FGF12: variants seen among roughly 807,000 people sequenced by gnomAD.
FGF12 encodes the protein fibroblast growth factor 12B.
FGF12 carries 14 observed loss-of-function variants against 23.6 expected under a neutral mutation model. The ratio of observed to expected loss-of-function variants is 0.59; its 90% CI spans 0.39 to 0.93. FGF12 has a LOEUF of 0.93. Ranked by LOEUF, FGF12 falls within the 40% of genes least tolerant of loss-of-function variation. The pLI is 0.00. For synonymous variants in FGF12, 62 were observed against 77.3 expected, an observed-to-expected ratio of 0.80 and a Z score of 1.04; for missense variants, 175 against 217.8, an observed-to-expected ratio of 0.80 and a Z score of 1.24.
Position 192,408,239 on chromosome 3 carries a change from G to A in FGF12, c.14-47701C>T, listed in dbSNP as rs893302905. ...CCGCAGCCATAGCTGCTCAGCGAGGGCCTCAGGCCCCAGCCTCTACTGCGC... is the reference window on the plus strand; with the variant it reads ...CCGCAGCCATAGCTGCTCAGCGAGGACCTCAGGCCCCAGCCTCTACTGCGC... On this transcript the variant is annotated intron_variant, in intron 2 of 5. Coordinates refer to ENST00000445105, the MANE Select transcript of FGF12 (RefSeq NM_004113.6). The surrounding 1 kb of genome is among the most constrained non-coding windows in gnomAD (Gnocchi z 7.3). 4.4e-6 allele frequency: 7 copies of A among 1,583,948 alleles called. No homozygotes were observed. In the East Asian group the frequency reaches 9.0e-5, roughly 20 times the overall value.
chr3:192,558,619 A>G (rs1057118764), intron 2 of FGF12, among the ~76,000 whole-genome samples: 3 of 151,896 alleles, frequency 2.0e-5, no homozygotes, highest in Non-Finnish European at 2.9e-5. Flanking sequence ...AACAACAACA[A>G]CAACAACAAA....
At chr3:192,490,389 T>C (rs1439156422) in intron 2 of FGF12, among the ~76,000 whole-genome samples, 1 of 152,110 alleles carries the variant, frequency 6.6e-6, no homozygotes, top group African/African-American at 2.4e-5. Flanking sequence ...CCTAGTAATG[T>C]TTCAATAAGA....
At chr3:192,203,636 A>G (rs1460709130) in intron 4 of FGF12, among the ~76,000 whole-genome samples, 1 of 148,216 alleles carries the variant, frequency 6.7e-6, no homozygotes, top group African/African-American at 2.5e-5. Context: ...CGGCACAATC[A>G]TGGCTCACTG....
chr3:192,639,445 C>T (rs1274546100), intron 2 of FGF12, among the ~76,000 whole-genome samples: 1 of 152,228 alleles, frequency 6.6e-6, no homozygotes, highest in Non-Finnish European at 1.5e-5. Context: ...GCAATCCCTC[C>T]TCTGGGCATA....
chr3:192,215,217 T>C (rs6776353), intron 4 of FGF12, among the ~76,000 whole-genome samples: 60,345 of 152,038 alleles, frequency 0.4, 12,946 homozygotes, highest in East Asian at 0.93. Flanking sequence ...CTCGAAGGTG[T>C]TGATATCATT....
chr3:192,280,577 CTTATG>C (rs1714085700), intron 4 of FGF12, among the ~76,000 whole-genome samples: 1 of 152,060 alleles, frequency 6.6e-6, no homozygotes, highest in South Asian at 2.1e-4. Context: ...TTAGGCACTT[CTTATG>C]TGCAAAATAC....
intron 2 of FGF12, among the ~76,000 whole-genome samples, chr3:192,407,279 G>C (rs1720992933): frequency 6.6e-6 from 1 of 152,188 alleles, no homozygotes; most frequent in Non-Finnish European, 1.5e-5. Flanking sequence ...AGGCCAAACT[G>C]TGTATACTGT....
intron 2 of FGF12, among the ~76,000 whole-genome samples, chr3:192,723,584 T>C (rs913428131): frequency 6.6e-6 from 1 of 151,988 alleles, no homozygotes; most frequent in Non-Finnish European, 1.5e-5. Flanking sequence ...ATGCTGCTGG[T>C]CTGTGGACCA....
In FGF12 at chr3:192,408,937, C is replaced by T. The variant is rs1234611919; in HGVS notation, c.14-48399G>A. On this transcript the variant is annotated intron_variant, in intron 2 of 5. Transcript: ENST00000445105. The surrounding 1 kb of genome is among the most constrained non-coding windows in gnomAD (Gnocchi z 7.3). ...TTTCCAGGGGCCGGCCACCCGAGTTCTGGAATTCCGAGAGGCGCGAAGTGG... is the reference window on the plus strand; with the variant it reads ...TTTCCAGGGGCCGGCCACCCGAGTTTTGGAATTCCGAGAGGCGCGAAGTGG... 1.0e-6 allele frequency: 1 copy of T among 984,992 alleles called. No individual in the cohort carries two copies. 61.0% of individuals were successfully genotyped at this position (984,992 alleles called of 1,614,324 possible).
intron 5 of FGF12, among the ~76,000 whole-genome samples, chr3:192,148,812 G>A (rs1713873437): frequency 6.6e-6 from 1 of 152,146 alleles, no homozygotes; most frequent in Admixed American, 6.5e-5. Flanking sequence ...GGAGGTACAG[G>A]GCGAGGAAAA....
chr3:192,262,635 A>T (rs1159350980), intron 4 of FGF12, among the ~76,000 whole-genome samples: 1 of 152,080 alleles, frequency 6.6e-6, no homozygotes, highest in Non-Finnish European at 1.5e-5. Context: ...TAGCATAGGA[A>T]CCAGAGTCTA....
At chr3:192,723,876 AGAGGAGAG>A (rs1216933506) in intron 2 of FGF12, among the ~76,000 whole-genome samples, 2 of 128,788 alleles carry the variant, frequency 1.6e-5, no homozygotes, top group Non-Finnish European at 3.3e-5. Flanking sequence ...AGAGAGAGAG[AGAGGAGAG>A]GAGAGGAGAG....
At chr3:192,491,892 C>T (rs1171217631) in intron 2 of FGF12, among the ~76,000 whole-genome samples, 1 of 152,088 alleles carries the variant, frequency 6.6e-6, no homozygotes, top group Non-Finnish European at 1.5e-5. Context: ...GAAAAATTCT[C>T]GCTCAGATAG....
At chr3:192,191,132 T>C (rs1327511341) in intron 4 of FGF12, among the ~76,000 whole-genome samples, 1 of 152,136 alleles carries the variant, frequency 6.6e-6, no homozygotes, top group Non-Finnish European at 1.5e-5. Flanking sequence ...CCTGACATAA[T>C]ATGGAGAAGT....
intron 2 of FGF12, among the ~76,000 whole-genome samples, chr3:192,520,163 C>T (rs1401682408): frequency 6.6e-6 from 1 of 152,170 alleles, no homozygotes; most frequent in Non-Finnish European, 1.5e-5. Flanking sequence ...CATACACGTA[C>T]ATCATATTTA....
At chr3:192,474,098 TTTTAA>T (rs764828755) in intron 2 of FGF12, among the ~76,000 whole-genome samples, 6 of 152,266 alleles carry the variant, frequency 3.9e-5, no homozygotes, top group Non-Finnish European at 7.3e-5. Flanking sequence ...ACTGATTTTA[TTTTAA>T]TTTAAGGATA....
intron 2 of FGF12, among the ~76,000 whole-genome samples, chr3:192,541,961 T>A (rs1725376481): frequency 6.6e-6 from 1 of 151,986 alleles, no homozygotes; most frequent in Non-Finnish European, 1.5e-5. Context: ...CCTTTCTTTA[T>A]CTTTGACGTT....
intron 2 of FGF12, among the ~76,000 whole-genome samples, chr3:192,719,797 AAAAAAAAG>A (rs1441659486): frequency 2.9e-4 from 41 of 141,954 alleles, no homozygotes; most frequent in African/African-American, 1.1e-3. Context: ...AAAAAAAAAA[AAAAAAAAG>A]AAAAACAAGA....
chr3:192,484,996 A>G (rs189690517), intron 2 of FGF12, among the ~76,000 whole-genome samples: 3,686 of 150,694 alleles, frequency 0.024, 178 homozygotes, highest in African/African-American at 0.086. Context: ...ATGTGTACAC[A>G]TAAATTTTAA....
Sources: gnomAD v4.1 joint callset for allele counts (sites outside exome capture counted in the v4.1 genomes callset) on GRCh38, gnomAD v4.1.1 for gene constraint, Gnocchi (gnomAD v3.1) non-coding constraint, MANE v1.5 for transcripts, NCBI Gene and HGNC (gene_info 2026-07-23, HGNC 2026-07-21) for gene names.